DCDC1: variants seen among roughly 807,000 people sequenced by gnomAD.
The protein encoded by DCDC1 is doublecortin domain containing 1.
In DCDC1, 200 loss-of-function variants were observed where a neutral mutation model predicts 178.3. That is an observed-to-expected ratio of 1.12 (90% CI 1.00 to 1.26). The LOEUF (loss-of-function observed/expected upper bound fraction) is 1.26, where lower values mean the gene tolerates loss of function less well. Among genes scored for constraint, DCDC1 ranks in the 50% most tolerant of loss-of-function variants. The pLI is 0.00. For missense variants in DCDC1, 1,983 were observed against 1,749.2 expected, an observed-to-expected ratio of 1.13 and a Z score of -2.38; for synonymous variants, 690 against 604.8, an observed-to-expected ratio of 1.14 and a Z score of -2.07.
intron 11 of DCDC1, among the ~76,000 whole-genome samples, chr11:31,117,338 C>T (rs1271454409): frequency 6.6e-6 from 1 of 151,088 alleles, no homozygotes; most frequent in Non-Finnish European, 1.5e-5. Context: ...CTACTTTTAT[C>T]TATTTTACAT....
chr11:30,945,754 GTCTGTCTA>G lies in DCDC1; in HGVS notation c.2715+6683_2715+6690del, dbSNP rs1947996231. 3.5e-5 allele frequency among the ~76,000 whole-genome samples: 5 copies of G among 142,802 alleles called. No individual in the cohort carries two copies. In the South Asian group the frequency reaches 1.1e-3, roughly 30 times the overall value. The allele number at this position is 142,802 out of a possible 152,430, so 93.7% of individuals were successfully genotyped here. ...TATCTATCTATCTATCTATCTGTCT[GTCTGTCTA>G]TCTATCTATAGATAGATATGCACAA... is the stretch of plus-strand genomic sequence containing the variant. On this transcript the variant is annotated intron_variant, in intron 21 of 38. Transcript: ENST00000684477.
At chr11:30,881,538 C>G (rs905791195) in intron 36 of DCDC1, among the ~76,000 whole-genome samples, 1 of 152,056 alleles carries the variant, frequency 6.6e-6, no homozygotes, top group Non-Finnish European at 1.5e-5. Context: ...CTTGTAGTTC[C>G]GTATTTTTTC....
At chr11:30,905,907 G>T (rs780536455) in intron 30 of DCDC1, among the ~76,000 whole-genome samples, 1 of 152,182 alleles carries the variant, frequency 6.6e-6, no homozygotes, top group Admixed American at 6.5e-5. Flanking sequence ...GCCCTGAAGA[G>T]CACACCAGAC....
intron 6 of DCDC1, among the ~76,000 whole-genome samples, chr11:31,294,626 GAGGGAGGGA>G (rs1326662414): frequency 3.7e-3 from 29 of 7,908 alleles, no homozygotes; most frequent in East Asian, 0.012. Context: ...GAGGGGAGGG[GAGGGAGGGA>G]AGGGGAGGGG....
chr11:31,102,302 T>G lies in DCDC1; in HGVS notation c.1878-20A>C. 1.5e-6 allele frequency: 1 copy of G among 654,246 alleles called. No homozygotes were observed. The highest frequency in any genetic ancestry group is 2.1e-5 in the Admixed American group (1 of 47,608). 40.5% of individuals were successfully genotyped at this position (654,246 alleles called of 1,614,324 possible). A position where few individuals can be genotyped will look rare whatever the true frequency, so the allele number is the denominator to read the frequency against. ...TCCCAACTAAGAAAAGTAAAATACG[T>G]AATTATTTTTATTAGAATAATATGC... On this transcript the variant is annotated intron_variant, in intron 14 of 38. Coordinates refer to ENST00000684477, the MANE Select transcript of DCDC1 (RefSeq NM_001387274.1).
intron 15 of DCDC1, among the ~76,000 whole-genome samples, chr11:31,100,977 A>G (rs926758261): frequency 3.3e-5 from 5 of 152,238 alleles, no homozygotes; most frequent in African/African-American, 4.8e-5. Flanking sequence ...AAAACCCGGC[A>G]GAAGTAGAAA....
intron 30 of DCDC1, 180 bp downstream of exon 30, chr11:30,906,360 A>G: frequency 1.6e-6 from 1 of 623,026 alleles, no homozygotes; most frequent in Non-Finnish European, 2.7e-6. Flanking sequence ...ATTAATAGAC[A>G]ATGCATTTTA....
intron 1 of DCDC1, among the ~76,000 whole-genome samples, chr11:31,354,015 C>T (rs1951203689): frequency 2.0e-5 from 3 of 152,134 alleles, no homozygotes; most frequent in South Asian, 2.1e-4. Flanking sequence ...AGGCCAGGCG[C>T]GGTGGCTCAC....
At chr11:31,360,122 G>A (rs994816923) in intron 1 of DCDC1, among the ~76,000 whole-genome samples, 6 of 152,176 alleles carry the variant, frequency 3.9e-5, no homozygotes, top group Non-Finnish European at 5.9e-5. Context: ...ATGGTAGAAA[G>A]TATTCCAGAG....
At position 30,931,827 on chromosome 11, in the gene DCDC1, ATTC is replaced by A; in HGVS notation, c.2838_2840del (p.Lys946del). On this transcript the variant is annotated inframe_deletion, in exon 22 of 39. Transcript: ENST00000684477. ...CAAGGATAGTAACGGATCTGTTTTT[ATTC>A]TTCTCTCCATTCTGCAAAACTCTGA... The A allele has an allele frequency of 1.2e-6, 2 of 1,612,970 alleles. No homozygotes were observed. Among genetic ancestry groups the A allele is most frequent in the Non-Finnish European group, 1.7e-6 (2 of 1,179,310 alleles).
At chr11:31,310,827 C>G (rs1369016193) in intron 3 of DCDC1, among the ~76,000 whole-genome samples, 1 of 152,040 alleles carries the variant, frequency 6.6e-6, no homozygotes, top group African/African-American at 2.4e-5. Context: ...ACTTAGGCTT[C>G]AAGTGATAAG....
At chr11:31,176,786 T>C (rs1454156888) in intron 9 of DCDC1, among the ~76,000 whole-genome samples, 3 of 152,066 alleles carry the variant, frequency 2.0e-5, no homozygotes, top group African/African-American at 7.2e-5. Context: ...CAGCAAAGAA[T>C]ACTATATCCA....
At chr11:31,082,646 C>T (rs935422528) in intron 17 of DCDC1, among the ~76,000 whole-genome samples, 27 of 151,734 alleles carry the variant, frequency 1.8e-4, no homozygotes, top group African/African-American at 2.7e-4. Flanking sequence ...TACATCTACA[C>T]ATATATATGT....
At chr11:31,276,745 G>T (rs1209211327) in intron 7 of DCDC1, among the ~76,000 whole-genome samples, 2 of 152,014 alleles carry the variant, frequency 1.3e-5, no homozygotes, top group African/African-American at 4.8e-5. Context: ...TCTCATAAAG[G>T]TAAGTGAAAG....
chr11:31,191,020 A>C (rs1005456043), intron 9 of DCDC1, among the ~76,000 whole-genome samples: 1 of 152,082 alleles, frequency 6.6e-6, no homozygotes, highest in Non-Finnish European at 1.5e-5. Context: ...GCCTAGGTAC[A>C]TCCTCCCATA....
chr11:30,996,580 T>C (rs1951286196), intron 20 of DCDC1, among the ~76,000 whole-genome samples: 1 of 152,158 alleles, frequency 6.6e-6, no homozygotes. Flanking sequence ...AGTTCATCCC[T>C]TTTGCCCTTT....
chr11:31,022,616 T>C (rs1952946597), intron 20 of DCDC1, among the ~76,000 whole-genome samples: 1 of 151,184 alleles, frequency 6.6e-6, no homozygotes, highest in Admixed American at 6.6e-5. Context: ...CTTTACAGTC[T>C]TTCTTGTTTA....
chr11:31,019,629 T>A (rs1011104762), intron 20 of DCDC1, among the ~76,000 whole-genome samples: 1 of 152,170 alleles, frequency 6.6e-6, no homozygotes, highest in Non-Finnish European at 1.5e-5. Flanking sequence ...ACTGGTATGA[T>A]CTTTTAAAAA....
intron 6 of DCDC1, among the ~76,000 whole-genome samples, chr11:31,299,877 G>T (rs7121517): frequency 0.21 from 31,628 of 150,584 alleles, 3,402 homozygotes; most frequent in African/African-American, 0.25. Context: ...TATTTTTTTT[G>T]AGACAGAGTC....
Sources: allele counts gnomAD v4.1 joint callset (sites outside exome capture counted in the v4.1 genomes callset), GRCh38; gene constraint gnomAD v4.1.1; transcripts MANE v1.5; gene names NCBI Gene and HGNC (gene_info 2026-07-23, HGNC 2026-07-21).